REG4: variants seen among roughly 807,000 people sequenced by gnomAD.
REG4 encodes the protein regenerating family member 4.
In REG4, 16 loss-of-function variants were observed where a neutral mutation model predicts 22.3. That is an observed-to-expected ratio of 0.72 (90% CI 0.49 to 1.09). The LOEUF is 1.09. Among genes scored for constraint, REG4 ranks in the 50% least tolerant of loss-of-function variants. The pLI is 0.00. For missense variants in REG4, 214 were observed against 193.9 expected (o/e 1.10, Z -0.61); for synonymous variants, 71 against 69.2 (o/e 1.03, Z -0.13).
chr1:119,808,662 A>G (rs1654399991), intron 2 of REG4, 41 bp downstream of exon 2: 1 of 1,451,446 alleles, frequency 6.9e-7, no homozygotes, highest in Non-Finnish European at 9.7e-7. Context: ...CTGTGTGAAC[A>G]CTGGCTGTGG....
chr1:119,808,816 C>T lies in REG4; in HGVS notation c.-47G>A, dbSNP rs1044652177. On this transcript the variant is annotated 5_prime_UTR_variant, in exon 2 of 6. Transcript: ENST00000256585. ...TAGCTAGTGCAAGGATCTCAGAGACCTTACTAGCGCTTCTTTGAAACTCCT... is the reference window on the plus strand; with the variant it reads ...TAGCTAGTGCAAGGATCTCAGAGACTTTACTAGCGCTTCTTTGAAACTCCT... 2 of 1,380,610 alleles carry T rather than the reference C, an allele frequency of 1.4e-6. No homozygotes were observed. The highest frequency in any genetic ancestry group is 1.4e-5 in the African/African-American group (1 of 70,522). 85.5% of individuals were successfully genotyped at this position (1,380,610 alleles called of 1,614,324 possible).
Position 119,799,719 on chromosome 1 carries a change from G to A in REG4, c.303+6C>T, listed in dbSNP as rs1386202785. 2 of 1,612,920 alleles carry A rather than the reference G, an allele frequency of 1.2e-6. No homozygotes were observed. Among genetic ancestry groups the A allele is most frequent in the South Asian group, 1.1e-5 (1 of 90,864 alleles). ...AGAGGGCCTTTGTGGCCAAGTCTGA[G>A]GTTACCTTCTGTGGGTCGTGCAGGC... On this transcript the variant is annotated splice_donor_region_variant and intron_variant, in intron 4 of 5. Coordinates refer to ENST00000256585, the MANE Select transcript of REG4 (RefSeq NM_032044.4).
intron 3 of REG4, chr1:119,802,718 A>G (rs1388620887): frequency 2.8e-6 from 4 of 1,436,622 alleles, no homozygotes; most frequent in Non-Finnish European, 3.6e-6. Context: ...AATCTTGTAC[A>G]GAAACTCCAT....
intron 2 of REG4, among the ~76,000 whole-genome samples, chr1:119,805,005 C>T (rs998204681): frequency 1.3e-5 from 2 of 152,234 alleles, no homozygotes; most frequent in East Asian, 3.9e-4. Flanking sequence ...TGGTCATCTG[C>T]CCACGGTCAC....
intron 5 of REG4, among the ~76,000 whole-genome samples, chr1:119,795,023 C>T (rs1224444476): frequency 6.6e-6 from 1 of 152,188 alleles, no homozygotes; most frequent in Non-Finnish European, 1.5e-5. Context: ...AAGACAACAA[C>T]ATTAAGTCCT....
At chr1:119,806,071 A>G (rs1394334420) in intron 2 of REG4, among the ~76,000 whole-genome samples, 1 of 152,118 alleles carries the variant, frequency 6.6e-6, no homozygotes, top group East Asian at 1.9e-4. Flanking sequence ...AGCTGGGACT[A>G]CAGGCGAGCA....
chr1:119,801,178 T>TA (rs775189260), intron 3 of REG4: 4 of 152,216 alleles, frequency 2.6e-5, no homozygotes, highest in Non-Finnish European at 5.9e-5. Context: ...TATATGGGTG[T>TA]ATGTATATAA....
Position 119,794,700 on chromosome 1 carries a change from A to G in REG4, c.410-15T>C, listed in dbSNP as rs1653882550. The stretch of plus-strand genomic sequence containing the variant: ...AGTTAAAAAGTCTGTAAGAAAATAA[A>G]CAGATATTTAAATCCATTCAGTACT... On this transcript the variant is annotated splice_polypyrimidine_tract_variant and intron_variant, in intron 5 of 5. Transcript: ENST00000256585. 1 of 1,612,046 alleles carries G rather than the reference A, an allele frequency of 6.2e-7. No homozygotes were observed. The highest frequency in any genetic ancestry group is 8.5e-7 in the Non-Finnish European group (1 of 1,178,204).
At chr1:119,803,482 G>C (rs1389610111) in intron 2 of REG4, among the ~76,000 whole-genome samples, 2 of 152,182 alleles carry the variant, frequency 1.3e-5, no homozygotes, top group Non-Finnish European at 2.9e-5. Flanking sequence ...TGGAGTTTTA[G>C]CTTGATCTGC....
At chr1:119,795,842 C>T (rs1003977870) in intron 5 of REG4, among the ~76,000 whole-genome samples, 6 of 152,244 alleles carry the variant, frequency 3.9e-5, no homozygotes, top group East Asian at 1.9e-4. Flanking sequence ...AAAGAGAATA[C>T]GGCACAAGGC....
At chr1:119,797,582 G>A (rs1653970335) in intron 5 of REG4, among the ~76,000 whole-genome samples, 1 of 152,184 alleles carries the variant, frequency 6.6e-6, no homozygotes, top group South Asian at 2.1e-4. Context: ...GGGGGTCCTG[G>A]TGTCACTATG....
chr1:119,799,929 G>A (rs190853679), intron 3 of REG4, 67 bp from the exon 4 acceptor site: 76 of 1,576,274 alleles, frequency 4.8e-5, no homozygotes, highest in Non-Finnish European at 6.1e-5. Flanking sequence ...CCCTCAGAAC[G>A]CTAGCGTGCC....
At chr1:119,810,447 A>G (rs1654460485) in intron 1 of REG4, among the ~76,000 whole-genome samples, 2 of 152,204 alleles carry the variant, frequency 1.3e-5, no homozygotes, top group African/African-American at 2.4e-5. Context: ...TGGAAAATCA[A>G]TTCTGGGGTC....
chr1:119,797,333 T>A (rs1382994816), intron 5 of REG4, among the ~76,000 whole-genome samples: 1 of 152,170 alleles, frequency 6.6e-6, no homozygotes, highest in East Asian at 1.9e-4. Flanking sequence ...TCTGTGAAAA[T>A]CCCCTCTATG....
chr1:119,809,999 T>G (rs1654448692), intron 1 of REG4, among the ~76,000 whole-genome samples: 1 of 152,168 alleles, frequency 6.6e-6, no homozygotes, highest in African/African-American at 2.4e-5. Context: ...TTTTTCTATT[T>G]CATTGTTTGT....
intron 2 of REG4, among the ~76,000 whole-genome samples, chr1:119,806,237 C>T (rs769146133): frequency 1.3e-5 from 2 of 152,152 alleles, no homozygotes; most frequent in Non-Finnish European, 1.5e-5. Context: ...CCACCGCACC[C>T]GGCTTTACTC....
chr1:119,800,432 G>A (rs587601149), intron 3 of REG4, among the ~76,000 whole-genome samples: 50 of 152,262 alleles, frequency 3.3e-4, no homozygotes, highest in African/African-American at 1.1e-3. Context: ...AGGCATTATG[G>A]CAGTGCTCTT....
intron 3 of REG4, 38 bp from the exon 4 acceptor site, chr1:119,799,900 T>C: frequency 6.2e-7 from 1 of 1,610,738 alleles, no homozygotes; most frequent in Non-Finnish European, 8.5e-7. Flanking sequence ...TATGCCTGCA[T>C]GTTTAAAGCA....
intron 3 of REG4, chr1:119,802,453 C>G (rs1036764415): frequency 2.0e-6 from 2 of 1,002,786 alleles, no homozygotes; most frequent in Admixed American, 6.0e-5. Context: ...CAGATCATGC[C>G]AAATGTACCT....
Sources: gnomAD v4.1 joint callset for allele counts (sites outside exome capture counted in the v4.1 genomes callset) on GRCh38, gnomAD v4.1.1 for gene constraint, MANE v1.5 for transcripts, NCBI Gene and HGNC (gene_info 2026-07-23, HGNC 2026-07-21) for gene names.